The following CATSPERE variants were observed in gnomAD, a reference collection of about 807,000 sequenced individuals.
CATSPERE encodes the protein catsper channel auxiliary subunit epsilon.
A neutral mutation model predicts 114.1 loss-of-function variants in CATSPERE; 93 were observed. That is an observed-to-expected ratio of 0.81 (90% CI 0.69 to 0.97). The LOEUF (loss-of-function observed/expected upper bound fraction) is 0.97. Ranked by LOEUF, CATSPERE falls within the 50% of genes least tolerant of loss-of-function variation. The pLI is 0.00. For missense variants in CATSPERE, 1,058 were observed against 1,131.6 expected (o/e 0.93, Z 0.93); for synonymous variants, 341 against 384.1 (o/e 0.89, Z 1.31).
At chr1:244,466,214 G>A (rs561312498) in intron 2 of CATSPERE, among the ~76,000 whole-genome samples, 249 of 152,170 alleles carry the variant, frequency 1.6e-3, no homozygotes, top group Middle Eastern at 0.014. Context: ...TATGCTCTCA[G>A]GGACTATTGT....
At chr1:244,582,910 GATATATATATATATAT>G (rs66677443) in intron 12 of CATSPERE, among the ~76,000 whole-genome samples, 12 of 142,484 alleles carry the variant, frequency 8.4e-5, no homozygotes, top group African/African-American at 3.1e-4. Context: ...AACAGAATTT[GATATATATATATATAT>G]ATATATATAT....
chr1:244,470,610 A>G (rs771989437), intron 2 of CATSPERE, among the ~76,000 whole-genome samples: 52 of 152,220 alleles, frequency 3.4e-4, no homozygotes, highest in Non-Finnish European at 5.9e-4. Context: ...GTAGCTCTTC[A>G]AACAGTTAAA....
At position 244,573,115 on chromosome 1, in the gene CATSPERE, C is replaced by T. The variant is rs1314610853; in HGVS notation, c.1950+343C>T. ...CCACTCAAAACCTAATTGCTTAGAACAACAACCAATTCTGGGCCGGGCATG... is the reference window on the plus strand; with the variant it reads ...CCACTCAAAACCTAATTGCTTAGAATAACAACCAATTCTGGGCCGGGCATG... On this transcript the variant is annotated intron_variant, in intron 11 of 21. Coordinates refer to ENST00000366534, the MANE Select transcript of CATSPERE (RefSeq NM_001130957.2). This position sits in a 1 kb window ranked among gnomAD's most constrained non-coding sequence, Gnocchi z 4.0. Among the ~76,000 whole-genome samples, 2 of 151,766 alleles carry T rather than the reference C, an allele frequency of 1.3e-5. No homozygotes were observed. The highest frequency in any genetic ancestry group is 4.8e-5 in the African/African-American group (2 of 41,296).
chr1:244,639,127 C>G (rs948236773), intron 21 of CATSPERE, among the ~76,000 whole-genome samples: 1 of 152,188 alleles, frequency 6.6e-6, no homozygotes, highest in African/African-American at 2.4e-5. Context: ...CCCCTTGGCA[C>G]CTGAGCTGCT....
chr1:244,570,306 A>G (rs1664245631), intron 10 of CATSPERE, among the ~76,000 whole-genome samples: 2 of 152,214 alleles, frequency 1.3e-5, no homozygotes, highest in South Asian at 4.1e-4. Context: ...GCTTGTGCCT[A>G]ACCCCCTTGT....
At chr1:244,536,028 G>A (rs1680331636) in intron 8 of CATSPERE, among the ~76,000 whole-genome samples, 1 of 151,916 alleles carries the variant, frequency 6.6e-6, no homozygotes, top group Admixed American at 6.6e-5. Context: ...GTTTCTTTCT[G>A]GCCCAGGGTG....
chr1:244,521,569 T>C (rs1318749310), intron 8 of CATSPERE, among the ~76,000 whole-genome samples: 2 of 152,176 alleles, frequency 1.3e-5, no homozygotes, highest in Non-Finnish European at 2.9e-5. Context: ...CCTGCTTTCC[T>C]CGGCTTAGTA....
At chr1:244,451,683 C>T (rs1558285474), upstream of CATSPERE, 6 of 1,612,608 alleles carry the variant, frequency 3.7e-6, no homozygotes, top group Non-Finnish European at 5.1e-6. This position sits in a 1 kb window ranked among gnomAD's most constrained non-coding sequence, Gnocchi z 6.6. Context: ...GGTCCACCAC[C>T]TTCCCTTTGC....
Position 244,524,996 on chromosome 1 carries a change from C to T in CATSPERE, c.536+6298C>T, listed in dbSNP as rs1433369355. ...CAGCCATCCCATTACTCGGTATATACCCAAAGGACTATAAATCATGCTGCT... is the reference window on the plus strand; with the variant it reads ...CAGCCATCCCATTACTCGGTATATATCCAAAGGACTATAAATCATGCTGCT... On this transcript the variant is annotated intron_variant, in intron 8 of 21. Coordinates refer to ENST00000366534, the MANE Select transcript of CATSPERE (RefSeq NM_001130957.2). 1.4e-5 allele frequency among the ~76,000 whole-genome samples: 2 copies of T among 145,090 alleles called. 1 individual carries two copies. Among genetic ancestry groups the T allele is most frequent in the African/African-American group, 5.5e-5 (2 of 36,220 alleles).
chr1:244,621,133 A>ATC lies in CATSPERE; in HGVS notation c.2648+3448_2648+3449insCT, dbSNP rs1672170341. On this transcript the variant is annotated intron_variant, in intron 20 of 21. Transcript: ENST00000366534. ...ATATATATAATATATATATAAATAT[A>ATC]TATAAAATATATATATTATAAAATA... 4.6e-4 allele frequency among the ~76,000 whole-genome samples: 16 copies of ATC among 34,470 alleles called. 2 individuals are homozygous for ATC. The highest frequency in any genetic ancestry group is 1.5e-3 in the East Asian group (2 of 1,336). 22.6% of individuals were successfully genotyped at this position (34,470 alleles called of 152,430 possible). A position where few individuals can be genotyped will look rare whatever the true frequency, so the allele number is the denominator to read the frequency against.
upstream of CATSPERE, among the ~76,000 whole-genome samples, chr1:244,454,189 G>T (rs1035908664): frequency 6.6e-6 from 1 of 152,124 alleles, no homozygotes; most frequent in Non-Finnish European, 1.5e-5. Context: ...GGCTCAACAG[G>T]CCTGTCTCGG....
chr1:244,577,646 A>G (rs562543122), intron 11 of CATSPERE, among the ~76,000 whole-genome samples: 53 of 152,312 alleles, frequency 3.5e-4, no homozygotes, highest in Admixed American at 1.4e-3. Context: ...GGCCTCTTTT[A>G]TAAGAGCACT....
At chr1:244,614,741 A>C (rs1411887674) in intron 19 of CATSPERE, among the ~76,000 whole-genome samples, 1 of 152,094 alleles carries the variant, frequency 6.6e-6, no homozygotes, top group East Asian at 1.9e-4. Context: ...GGCTCCAATC[A>C]CACTTGTGGT....
At chr1:244,555,551 C>T (rs906230672) in intron 9 of CATSPERE, among the ~76,000 whole-genome samples, 1 of 152,064 alleles carries the variant, frequency 6.6e-6, no homozygotes, top group African/African-American at 2.4e-5. Flanking sequence ...CCTCACCACT[C>T]GTATTCAACT....
At chr1:244,542,413 G>A (rs374575436) in intron 8 of CATSPERE, among the ~76,000 whole-genome samples, 5 of 152,210 alleles carry the variant, frequency 3.3e-5, no homozygotes, top group Admixed American at 6.5e-5. Flanking sequence ...TGGGCATCTA[G>A]TGTACCCATT....
intron 17 of CATSPERE, among the ~76,000 whole-genome samples, chr1:244,601,925 G>T (rs2148668399): frequency 6.6e-6 from 1 of 152,192 alleles, no homozygotes; most frequent in Non-Finnish European, 1.5e-5. Context: ...CTGCACTCTA[G>T]CCTGGGCAAC....
intron 8 of CATSPERE, among the ~76,000 whole-genome samples, chr1:244,551,446 A>G (rs1195272574): frequency 6.6e-6 from 1 of 152,248 alleles, no homozygotes; most frequent in Non-Finnish European, 1.5e-5. Context: ...ATGTATATGT[A>G]TGTATGTAGA....
intron 2 of CATSPERE, among the ~76,000 whole-genome samples, chr1:244,476,823 TAAG>T (rs1024494989): frequency 2.0e-5 from 3 of 152,086 alleles, no homozygotes; most frequent in Admixed American, 6.6e-5. Context: ...GCTTTAGAAA[TAAG>T]AAAAAGATGA....
At chr1:244,464,628 T>C (rs972928600) in intron 2 of CATSPERE, among the ~76,000 whole-genome samples, 7 of 152,198 alleles carry the variant, frequency 4.6e-5, no homozygotes, top group African/African-American at 1.7e-4. Flanking sequence ...CAATTTATAT[T>C]CTCACTCAAT....
Sources: allele counts gnomAD v4.1 joint callset (sites outside exome capture counted in the v4.1 genomes callset), GRCh38; gene constraint gnomAD v4.1.1; non-coding constraint Gnocchi (gnomAD v3.1); transcripts MANE v1.5; gene names NCBI Gene and HGNC (gene_info 2026-07-23, HGNC 2026-07-21).